Variants in LRP6 observed in about 807,000 individuals in gnomAD.
LRP6 encodes low-density lipoprotein receptor-related protein 6.
LRP6 carries 43 observed loss-of-function variants against 184.1 expected under a neutral mutation model. The ratio of observed to expected loss-of-function variants is 0.23; its 90% CI spans 0.18 to 0.30. The LOEUF (loss-of-function observed/expected upper bound fraction) is 0.30. Ranked by LOEUF, LRP6 falls within the 10% of genes least tolerant of loss-of-function variation. The pLI is 1.00. For missense variants in LRP6, 1,571 were observed against 2,005.3 expected (o/e 0.78, Z 4.14); for synonymous variants, 719 against 684.9 (o/e 1.05, Z -0.78).
chr12:12,221,496 C>A (rs1864488281), intron 2 of LRP6, among the ~76,000 whole-genome samples: 1 of 152,128 alleles, frequency 6.6e-6, no homozygotes, highest in South Asian at 2.1e-4. Context: ...GAAATACCTA[C>A]AACAAAAAAT....
rs371508432 is a variant in LRP6, at chr12:12,203,163, G to A, written c.647+40C>T. On this transcript the variant is annotated intron_variant, in intron 3 of 22. Coordinates refer to ENST00000261349, the MANE Select transcript of LRP6 (RefSeq NM_002336.3). ...CTTTGTAATGTATCAAGGCTTCATC[G>A]AGTTTTCTTAAAAGTTTTTTCTAAT... The A allele has an allele frequency of 9.7e-6, 14 of 1,443,908 alleles. No individual in the cohort carries two copies. In the African/African-American group the frequency reaches 1.0e-4, roughly 10 times the overall value. 89.4% of individuals were successfully genotyped at this position (1,443,908 alleles called of 1,614,324 possible). A position where few individuals can be genotyped will look rare whatever the true frequency, so the allele number is the denominator to read the frequency against.
At position 12,131,818 on chromosome 12, in the gene LRP6, T is replaced by C; in HGVS notation, c.3970+3A>G. On this transcript the variant is annotated splice_donor_region_variant and intron_variant, in intron 18 of 22. Transcript: ENST00000261349. Reference sequence around the variant, plus strand: ...TGCTGAGGCACTGAAGAATTCTGGATACCTTCACAGTTCTTCTCATCTGAT... The same window carrying C: ...TGCTGAGGCACTGAAGAATTCTGGACACCTTCACAGTTCTTCTCATCTGAT... 2 of 1,611,578 alleles carry C rather than the reference T, an allele frequency of 1.2e-6. No homozygotes were observed. The highest frequency in any genetic ancestry group is 1.7e-6 in the Non-Finnish European group (2 of 1,177,610).
At chr12:12,128,260 G>C (rs553409078) in intron 19 of LRP6, among the ~76,000 whole-genome samples, 1 of 152,114 alleles carries the variant, frequency 6.6e-6, no homozygotes, top group Non-Finnish European at 1.5e-5. Flanking sequence ...ATTCTTCCAA[G>C]ATACCACTCT....
intron 16 of LRP6, among the ~76,000 whole-genome samples, chr12:12,135,806 A>G (rs913985069): frequency 6.6e-6 from 1 of 151,914 alleles, no homozygotes; most frequent in East Asian, 1.9e-4. Context: ...GTCCTTATAT[A>G]TTTATATATA....
At chr12:12,161,829 T>G (rs1313973851) in intron 10 of LRP6, among the ~76,000 whole-genome samples, 1 of 152,134 alleles carries the variant, frequency 6.6e-6, no homozygotes, top group Non-Finnish European at 1.5e-5. Flanking sequence ...CACAACATTG[T>G]TTCGGTGGGT....
At chr12:12,132,092 A>G in intron 17 of LRP6, 35 bp from the exon 18 acceptor site, 2 of 1,390,814 alleles carry the variant, frequency 1.4e-6, no homozygotes, top group Middle Eastern at 3.7e-4. Context: ...AGTGACAAAA[A>G]CACAATCATG....
Position 12,120,061 on chromosome 12 carries a change from A to C in LRP6, c.*1065T>G, listed in dbSNP as rs929359519. 1 of 133,208 alleles carries C rather than the reference A, an allele frequency of 7.5e-6. No homozygotes were observed. Among genetic ancestry groups the C allele is most frequent in the Admixed American group, 7.9e-5 (1 of 12,600 alleles). The allele number at this position is 133,208 out of a possible 1,614,324, so 8.3% of individuals were successfully genotyped here. ...TATATATAAATGATTTCGTACTGTG[A>C]TATATGCTGAAAGTAGTGCAAGGAT... On this transcript the variant is annotated 3_prime_UTR_variant, in exon 23 of 23. Coordinates refer to ENST00000261349, the MANE Select transcript of LRP6 (RefSeq NM_002336.3).
At chr12:12,194,497 T>C (rs1863702637) in intron 3 of LRP6, among the ~76,000 whole-genome samples, 1 of 152,146 alleles carries the variant, frequency 6.6e-6, no homozygotes, top group Non-Finnish European at 1.5e-5. Flanking sequence ...TTCTTGCCTT[T>C]ATAGTTTTAT....
intron 2 of LRP6, among the ~76,000 whole-genome samples, chr12:12,216,027 A>G (rs764639018): frequency 7.2e-5 from 11 of 151,990 alleles, no homozygotes; most frequent in South Asian, 2.1e-4. Context: ...TAATAATAAT[A>G]ATGATCTATT....
intron 7 of LRP6, among the ~76,000 whole-genome samples, chr12:12,172,093 T>G (rs992452870): frequency 6.6e-6 from 1 of 152,226 alleles, no homozygotes; most frequent in Non-Finnish European, 1.5e-5. Context: ...ATCTGACAAC[T>G]CTTAAGGGTG....
intron 2 of LRP6, among the ~76,000 whole-genome samples, chr12:12,224,419 C>CT (rs373223718): frequency 2.0e-4 from 29 of 147,316 alleles, no homozygotes; most frequent in East Asian, 3.9e-4. Context: ...CACATACCAC[C>CT]TTTTTTTTTT....
chr12:12,237,043 G>A (rs143861421), intron 2 of LRP6, among the ~76,000 whole-genome samples: 60 of 152,096 alleles, frequency 3.9e-4, no homozygotes, highest in African/African-American at 1.4e-3. Context: ...GGTCTTTCTG[G>A]TGACCAGCCC....
At chr12:12,230,746 C>T (rs1864761761) in intron 2 of LRP6, among the ~76,000 whole-genome samples, 2 of 152,074 alleles carry the variant, frequency 1.3e-5, no homozygotes, top group South Asian at 4.2e-4. Flanking sequence ...ACTTCTTTTA[C>T]AAAACATCTA....
At chr12:12,222,520 T>TCGCG (rs1864517581) in intron 2 of LRP6, among the ~76,000 whole-genome samples, 1 of 147,178 alleles carries the variant, frequency 6.8e-6, no homozygotes, top group African/African-American at 2.5e-5. Flanking sequence ...TGAGCCAAGA[T>TCGCG]CGCGCCATTG....
At chr12:12,251,184 C>T (rs1865316361) in intron 1 of LRP6, among the ~76,000 whole-genome samples, 1 of 152,128 alleles carries the variant, frequency 6.6e-6, no homozygotes, top group Non-Finnish European at 1.5e-5. Flanking sequence ...TCGCCCACCT[C>T]GGCCTCCGAA....
intron 7 of LRP6, among the ~76,000 whole-genome samples, chr12:12,171,894 C>T (rs1863056194): frequency 6.6e-6 from 1 of 152,214 alleles, no homozygotes; most frequent in South Asian, 2.1e-4. Flanking sequence ...TATTCCATTT[C>T]TCATATTCCT....
rs774214987 is a variant in LRP6 at position 12,130,912 on chromosome 12, T to C, written c.3971-19A>G. 7 of 1,341,760 alleles carry C rather than the reference T, an allele frequency of 5.2e-6. No homozygotes were observed. The highest frequency in any genetic ancestry group is 5.4e-6 in the Non-Finnish European group (5 of 931,964). The allele number at this position is 1,341,760 out of a possible 1,614,324, so 83.1% of individuals were successfully genotyped here. On this transcript the variant is annotated intron_variant, in intron 18 of 22. Transcript: ENST00000261349. ...CAAAGCACTGGAAAAAAAACATAAA[T>C]AGTTTCCTTATTTTTAATATCATGT...
intron 4 of LRP6, among the ~76,000 whole-genome samples, chr12:12,184,541 G>C (rs188521121): frequency 6.6e-6 from 1 of 152,184 alleles, no homozygotes; most frequent in African/African-American, 2.4e-5. Context: ...AGCCTTCAAG[G>C]ATAGGAAGGA....
chr12:12,190,866 A>T (rs1476960627), intron 3 of LRP6, among the ~76,000 whole-genome samples: 1 of 152,200 alleles, frequency 6.6e-6, no homozygotes, highest in Admixed American at 6.5e-5. Context: ...GCTTTGGAAA[A>T]ATCTCCATGA....
Sources: gnomAD v4.1 joint callset for allele counts (sites outside exome capture counted in the v4.1 genomes callset) on GRCh38, gnomAD v4.1.1 for gene constraint, MANE v1.5 for transcripts, NCBI Gene and HGNC (gene_info 2026-07-23, HGNC 2026-07-21) for gene names.